Variants in ST7 observed in about 807,000 individuals in gnomAD.
ST7 encodes suppressor of tumorigenicity 7 protein.
ST7 carries 28 observed loss-of-function variants against 78.7 expected under a neutral mutation model. The ratio of observed to expected loss-of-function variants is 0.36; its 90% CI spans 0.26 to 0.49. The LOEUF (loss-of-function observed/expected upper bound fraction) is 0.49. Ranked by LOEUF, ST7 falls within the 20% of genes least tolerant of loss-of-function variation. ST7 has a pLI of 0.99. For missense variants in ST7, 418 were observed against 696.0 expected (o/e 0.60, Z 4.49); for synonymous variants, 247 against 249.6 (o/e 0.99, Z 0.10).
intron 12 of ST7, among the ~76,000 whole-genome samples, chr7:117,206,947 A>T (rs1014248466): frequency 6.6e-6 from 1 of 152,222 alleles, no homozygotes; most frequent in African/African-American, 2.4e-5. Context: ...GAGCACTTGA[A>T]ATATGGCTAG....
chr7:117,185,011 G>A (rs1339453905), intron 10 of ST7, among the ~76,000 whole-genome samples: 1 of 152,116 alleles, frequency 6.6e-6, no homozygotes, highest in Non-Finnish European at 1.5e-5. Flanking sequence ...GTGGGGTGAG[G>A]TGGGAATGAA....
chr7:117,178,326 T>TA (rs1375728669), intron 10 of ST7, among the ~76,000 whole-genome samples: 1 of 152,066 alleles, frequency 6.6e-6, no homozygotes, highest in Non-Finnish European at 1.5e-5. Flanking sequence ...AGAAAGATGT[T>TA]AAAAAACAAA....
intron 2 of ST7, among the ~76,000 whole-genome samples, chr7:117,109,071 A>G (rs925791081): frequency 2.0e-5 from 3 of 152,004 alleles, no homozygotes; most frequent in Non-Finnish European, 2.9e-5. Context: ...CTTCCTCTTT[A>G]CCGATTTGAA....
chr7:117,105,377 G>A (rs1395760463), intron 2 of ST7, among the ~76,000 whole-genome samples: 5 of 152,192 alleles, frequency 3.3e-5, no homozygotes, highest in African/African-American at 9.6e-5. Context: ...GACCTCCTGG[G>A]CTCAGGCAAT....
At chr7:117,029,301 T>C (rs917507611) in intron 1 of ST7, among the ~76,000 whole-genome samples, 3 of 152,162 alleles carry the variant, frequency 2.0e-5, no homozygotes, top group Non-Finnish European at 4.4e-5. Context: ...TGTGGGTGTG[T>C]AATGGTATAT....
chr7:116,970,075 CA>C (rs1400327182), intron 1 of ST7, among the ~76,000 whole-genome samples: 1 of 151,772 alleles, frequency 6.6e-6, no homozygotes, highest in Non-Finnish European at 1.5e-5. Flanking sequence ...AACTTTGTCT[CA>C]AAAAACAAAA....
intron 1 of ST7, among the ~76,000 whole-genome samples, chr7:116,979,720 C>A (rs6951094): frequency 0.95 from 144,093 of 152,122 alleles, 68,763 homozygotes; most frequent in East Asian, 1. Context: ...CTAATCTATC[C>A]TATATGCTGG....
chr7:117,139,096 G>C (rs568515412), intron 9 of ST7, among the ~76,000 whole-genome samples: 5 of 152,242 alleles, frequency 3.3e-5, no homozygotes, highest in Admixed American at 1.3e-4. Context: ...AAAGAAGAGA[G>C]CAAATAGGTG....
chr7:117,163,099 G>T (rs1210307117), intron 9 of ST7, among the ~76,000 whole-genome samples: 1 of 152,138 alleles, frequency 6.6e-6, no homozygotes, highest in Non-Finnish European at 1.5e-5. Context: ...TGCTGCCAAT[G>T]ATTGGATTTT....
chr7:116,954,792 A>G lies in ST7; in HGVS notation c.151+1101A>G, dbSNP rs561608039. 87 of 271,572 alleles carry G rather than the reference A, an allele frequency of 3.2e-4. No individual in the cohort carries two copies. The South Asian group carries it at 3.3e-3, about 10-fold the overall frequency. The allele number at this position is 271,572 out of a possible 1,614,324, so 16.8% of individuals were successfully genotyped here. On this transcript the variant is annotated intron_variant, in intron 1 of 15. Transcript: ENST00000323984. ...TATATATCTTCCCTTGTTAATCTCC[A>G]TACTCTGGGAGTGCAAGTCTGGAAA... is the stretch of plus-strand genomic sequence containing the variant.
intron 1 of ST7, among the ~76,000 whole-genome samples, chr7:116,977,903 A>C (rs1297103115): frequency 6.6e-6 from 1 of 152,246 alleles, no homozygotes. Context: ...AAAACAATAA[A>C]AATTGAAAAG....
At chr7:116,991,448 C>T (rs373692688) in intron 1 of ST7, among the ~76,000 whole-genome samples, 28 of 152,116 alleles carry the variant, frequency 1.8e-4, no homozygotes, top group South Asian at 6.2e-4. Context: ...TACATGGTGG[C>T]GGCAAGAGAA....
chr7:116,975,509 G>T (rs1482742089), intron 1 of ST7, among the ~76,000 whole-genome samples: 1 of 152,048 alleles, frequency 6.6e-6, no homozygotes, highest in African/African-American at 2.4e-5. Context: ...CCGGGTTCAA[G>T]CGGTTCTCCT....
rs547814009 is a variant in ST7, at chr7:117,131,771, T to G, written c.566-114T>G. The G allele has an allele frequency of 1.9e-4, 177 of 939,168 alleles. 2 individuals are homozygous for G. The South Asian group carries it at 2.5e-3, about 13-fold the overall frequency. 58.2% of individuals were successfully genotyped at this position (939,168 alleles called of 1,614,324 possible). ...AGATTTTGGCCAACCCTCTTAGCAA[T>G]GAAATATGTTCTTGTAATTTAAGCT... is the stretch of plus-strand genomic sequence containing the variant. On this transcript the variant is annotated intron_variant, in intron 5 of 15. Transcript: ENST00000323984.
At chr7:117,226,955 G>A (rs187443533) in intron 15 of ST7, among the ~76,000 whole-genome samples, 20 of 152,278 alleles carry the variant, frequency 1.3e-4, no homozygotes, top group Admixed American at 1.3e-3. Context: ...AGGAAAGAAG[G>A]GACCACAGTA....
chr7:117,159,491 T>C (rs916050226), intron 9 of ST7, among the ~76,000 whole-genome samples: 4 of 152,152 alleles, frequency 2.6e-5, no homozygotes, highest in Non-Finnish European at 2.9e-5. Flanking sequence ...GTGGAGAAGA[T>C]AGCGGGCAAT....
chr7:117,144,963 C>G (rs1352406560), intron 9 of ST7, among the ~76,000 whole-genome samples: 1 of 152,076 alleles, frequency 6.6e-6, no homozygotes, highest in African/African-American at 2.4e-5. Flanking sequence ...CTTTGGGAGG[C>G]CGAGGCGGGG....
In ST7 at chr7:117,152,177, CTATATATATATATATATATATATA is replaced by C. The variant is rs58892731; in HGVS notation, c.963+13668_963+13691del. On this transcript the variant is annotated intron_variant, in intron 9 of 15. Coordinates refer to ENST00000323984, the MANE Select transcript of ST7 (RefSeq NM_001369598.1). ...AATATATGTATTATATATATAAAAA[CTATATATATATATATATATATATA>C]TATATATATATATATATATATACCA... is the stretch of plus-strand genomic sequence containing the variant. Among the ~76,000 whole-genome samples, 86 of 66,858 alleles carry C rather than the reference CTATATATATATATATATATATATA, an allele frequency of 1.3e-3. 1 individual carries two copies. The highest frequency in any genetic ancestry group is 5.7e-3 in the Admixed American group (29 of 5,084). The allele number at this position is 66,858 out of a possible 152,430, so 43.9% of individuals were successfully genotyped here.
chr7:117,065,734 CCTCT>C (rs1554431761), intron 1 of ST7, among the ~76,000 whole-genome samples: 1 of 152,220 alleles, frequency 6.6e-6, no homozygotes, highest in Non-Finnish European at 1.5e-5. Flanking sequence ...ATGCTCCTCA[CCTCT>C]CAGCAGCCAG....
Sources: allele counts gnomAD v4.1 joint callset (sites outside exome capture counted in the v4.1 genomes callset), GRCh38; gene constraint gnomAD v4.1.1; transcripts MANE v1.5; gene names NCBI Gene and HGNC (gene_info 2026-07-23, HGNC 2026-07-21).